RAP1GAP2: variants seen among roughly 807,000 people sequenced by gnomAD.
The protein encoded by RAP1GAP2 is rap1 GTPase-activating protein 2.
Under a neutral mutation model 95.0 loss-of-function variants are expected in RAP1GAP2, and 27 were observed. The ratio of observed to expected loss-of-function variants is 0.28; its 90% CI spans 0.21 to 0.39. The LOEUF is 0.39. Ranked by LOEUF, RAP1GAP2 falls within the 10% of genes least tolerant of loss-of-function variation. The pLI is 1.00. For synonymous variants in RAP1GAP2, 373 were observed against 380.9 expected (o/e 0.98, Z 0.24); for missense variants, 771 against 970.0 (o/e 0.79, Z 2.72).
intron 1 of RAP1GAP2, among the ~76,000 whole-genome samples, chr17:2,781,517 C>CGTGTGAGCACGTCTCT (rs1487066159): frequency 2.0e-5 from 3 of 150,484 alleles, no homozygotes; most frequent in Admixed American, 6.6e-5. Flanking sequence ...GTGTGTGCAC[C>CGTGTGAGCACGTCTCT]GTGTGAGCAC....
At chr17:2,891,372 C>T (rs945060879) in intron 2 of RAP1GAP2, among the ~76,000 whole-genome samples, 7 of 152,054 alleles carry the variant, frequency 4.6e-5, no homozygotes, top group Admixed American at 1.3e-4. Flanking sequence ...AACTCCTGAG[C>T]TCAACCAATC....
At chr17:2,960,139 A>AC (rs1555578041) in intron 4 of RAP1GAP2, among the ~76,000 whole-genome samples, 5 of 151,492 alleles carry the variant, frequency 3.3e-5, no homozygotes, top group East Asian at 3.9e-4. Context: ...AAAAAAAAAA[A>AC]AACAACAAAA....
At chr17:2,828,147 C>G (rs193085962) in intron 2 of RAP1GAP2, among the ~76,000 whole-genome samples, 3 of 152,280 alleles carry the variant, frequency 2.0e-5, no homozygotes, top group African/African-American at 7.2e-5. Context: ...TCGAGACCAG[C>G]CTGGCTAACA....
At chr17:2,829,402 G>T (rs535342868) in intron 2 of RAP1GAP2, among the ~76,000 whole-genome samples, 2 of 152,096 alleles carry the variant, frequency 1.3e-5, no homozygotes, top group African/African-American at 4.8e-5. Context: ...CTCCATAAAG[G>T]GCTGGGGCTG....
chr17:2,898,259 T>G (rs1333036437), intron 2 of RAP1GAP2, among the ~76,000 whole-genome samples: 1 of 152,068 alleles, frequency 6.6e-6, no homozygotes, highest in Admixed American at 6.6e-5. Context: ...GTGCCCCAAA[T>G]CTTTGGAATC....
chr17:2,932,605 G>T (rs922872513), intron 3 of RAP1GAP2, among the ~76,000 whole-genome samples: 2 of 94,722 alleles, frequency 2.1e-5, no homozygotes, highest in African/African-American at 4.2e-5. Flanking sequence ...AAAAAAAAAA[G>T]AGGAGCTCGA....
intron 16 of RAP1GAP2, 79 bp downstream of exon 16, chr17:3,006,120 CTTTTTT>C (rs537126167): frequency 8.5e-4 from 347 of 409,688 alleles, no homozygotes; most frequent in African/African-American, 6.7e-3. Context: ...GCTCCTCCAT[CTTTTTT>C]TTTTTTTTTT....
At chr17:2,835,014 G>A (rs1383117622) in intron 2 of RAP1GAP2, among the ~76,000 whole-genome samples, 1 of 151,842 alleles carries the variant, frequency 6.6e-6, no homozygotes, top group Non-Finnish European at 1.5e-5. Context: ...CCACCTCCCA[G>A]GTTCATGCCA....
At chr17:3,016,488 T>C (rs773208022) in intron 17 of RAP1GAP2, among the ~76,000 whole-genome samples, 3 of 152,242 alleles carry the variant, frequency 2.0e-5, no homozygotes, top group African/African-American at 4.8e-5. Context: ...TGCAGAAGCC[T>C]GGACAACTGA....
In RAP1GAP2 at chr17:2,932,822, AAG is replaced by A. The variant is rs1414884126; in HGVS notation, c.166-24935_166-24934del. ...GCAGAGCAAGACTCCATCTCAAAAA[AAG>A]AAAAAAAAAAAAAAAAAAAGAGCAG... is the stretch of plus-strand genomic sequence containing the variant. On this transcript the variant is annotated intron_variant, in intron 3 of 24. Transcript: ENST00000254695. Among the ~76,000 whole-genome samples, 15 of 31,008 alleles carry A rather than the reference AAG, an allele frequency of 4.8e-4. 6 individuals carry two copies. Among genetic ancestry groups the A allele is most frequent in the Non-Finnish European group, 6.5e-4 (8 of 12,286 alleles). The allele number at this position is 31,008 out of a possible 152,430, so 20.3% of individuals were successfully genotyped here. A position where few individuals can be genotyped will look rare whatever the true frequency, so the allele number is the denominator to read the frequency against.
intron 2 of RAP1GAP2, among the ~76,000 whole-genome samples, chr17:2,895,138 A>G (rs1274890298): frequency 6.6e-6 from 1 of 152,224 alleles, no homozygotes; most frequent in African/African-American, 2.4e-5. Context: ...TTCAGAAGGC[A>G]CCTTTACGTC....
At chr17:2,875,063 T>G (rs2073033744) in intron 2 of RAP1GAP2, among the ~76,000 whole-genome samples, 1 of 152,036 alleles carries the variant, frequency 6.6e-6, no homozygotes, top group Non-Finnish European at 1.5e-5. Context: ...AAAAGCAAGT[T>G]TTTGTTTTGT....
intron 3 of RAP1GAP2, among the ~76,000 whole-genome samples, chr17:2,930,696 C>T (rs1040075966): frequency 3.9e-5 from 6 of 152,218 alleles, no homozygotes; most frequent in Non-Finnish European, 7.3e-5. Flanking sequence ...AACGTGTCCT[C>T]CTTTACTCTG....
intron 2 of RAP1GAP2, among the ~76,000 whole-genome samples, chr17:2,821,126 G>C (rs567077745): frequency 5.9e-5 from 9 of 152,046 alleles, no homozygotes; most frequent in Non-Finnish European, 1.2e-4. Flanking sequence ...CGCTGTGTCT[G>C]AGCCTCCCTC....
At chr17:3,013,000 C>G (rs990723024) in intron 17 of RAP1GAP2, among the ~76,000 whole-genome samples, 25 of 152,222 alleles carry the variant, frequency 1.6e-4, no homozygotes, top group African/African-American at 5.3e-4. Context: ...CCTCCACTGA[C>G]CTCATCGCAC....
intron 11 of RAP1GAP2, among the ~76,000 whole-genome samples, chr17:2,989,878 A>G (rs2045694044): frequency 6.6e-6 from 1 of 151,610 alleles, no homozygotes; most frequent in Non-Finnish European, 1.5e-5. Flanking sequence ...GAAACCCCAC[A>G]CTCACCAGCA....
chr17:2,960,199 G>C (rs1419317978), intron 4 of RAP1GAP2, among the ~76,000 whole-genome samples: 1 of 151,938 alleles, frequency 6.6e-6, no homozygotes, highest in Non-Finnish European at 1.5e-5. Context: ...AGGGCCCCGT[G>C]CTGGGCAGTG....
At chr17:2,891,823 T>TTTC (rs2073731117) in intron 2 of RAP1GAP2, among the ~76,000 whole-genome samples, 2 of 114,522 alleles carry the variant, frequency 1.7e-5, no homozygotes, top group Non-Finnish European at 3.6e-5. Flanking sequence ...TCTTTTTTTT[T>TTTC]TTTTTTTTTT....
Position 2,944,161 on chromosome 17 carries a change from CAAAA to C in RAP1GAP2, c.166-13579_166-13576del, listed in dbSNP as rs36063732. On this transcript the variant is annotated intron_variant, in intron 3 of 24. Coordinates refer to ENST00000254695, the MANE Select transcript of RAP1GAP2 (RefSeq NM_015085.5). ...AGACTCCGTCTCAAAACAGCAAAAC[CAAAA>C]AAAAAAAAAAAAAAAAAACCAAACC... Among the ~76,000 whole-genome samples the C allele has an allele frequency of 9.8e-5, 8 of 81,804 alleles. 1 individual carries two copies. The East Asian group carries it at 1.8e-3, about 19-fold the overall frequency. 53.7% of individuals were successfully genotyped at this position (81,804 alleles called of 152,430 possible). A position where few individuals can be genotyped will look rare whatever the true frequency, so the allele number is the denominator to read the frequency against.
Sources: allele counts gnomAD v4.1 joint callset (sites outside exome capture counted in the v4.1 genomes callset), GRCh38; gene constraint gnomAD v4.1.1; transcripts MANE v1.5; gene names NCBI Gene and HGNC (gene_info 2026-07-23, HGNC 2026-07-21).